ONECUT1: variants seen among roughly 807,000 people sequenced by gnomAD.
ONECUT1 encodes one cut homeobox 1, also known as hepatocyte nuclear factor 6.
ONECUT1 carries 12 observed loss-of-function variants against 25.6 expected under a neutral mutation model. That is an observed-to-expected ratio of 0.47 (90% CI 0.30 to 0.76). The LOEUF (loss-of-function observed/expected upper bound fraction) is 0.76. Ranked by LOEUF, ONECUT1 falls within the 30% of genes least tolerant of loss-of-function variation. The probability of loss-of-function intolerance (pLI) is 0.07; values close to 1 mark genes in which losing one functional copy is unlikely to be tolerated. For missense variants in ONECUT1, 620 were observed against 651.2 expected, an observed-to-expected ratio of 0.95 and a Z score of 0.52; for synonymous variants, 285 against 270.2, an observed-to-expected ratio of 1.05 and a Z score of -0.54.
At chr15:52,786,658 C>G (rs146772582) in intron 1 of ONECUT1, among the ~76,000 whole-genome samples, 5 of 152,254 alleles carry the variant, frequency 3.3e-5, no homozygotes, top group Non-Finnish European at 7.3e-5. Flanking sequence ...TCCACAGTGC[C>G]GTCCCCTGAG....
Position 52,777,734 on chromosome 15 carries a change from ACAC to A in ONECUT1, c.1105+11043_1105+11045del, listed in dbSNP as rs796688086. On this transcript the variant is annotated intron_variant, in intron 1 of 1. Coordinates refer to ENST00000305901, the MANE Select transcript of ONECUT1 (RefSeq NM_004498.4). ...CACACACACACACACACACACACAC[ACAC>A]AAAAAAACATGTAAAGTTATTTGTT... Among the ~76,000 whole-genome samples, 279 of 126,808 alleles carry A rather than the reference ACAC, an allele frequency of 2.2e-3. 6 individuals are homozygous for A. Among genetic ancestry groups the A allele is most frequent in the Middle Eastern group, 6.9e-3 (2 of 288 alleles). 83.2% of individuals were successfully genotyped at this position (126,808 alleles called of 152,430 possible). A position where few individuals can be genotyped will look rare whatever the true frequency, so the allele number is the denominator to read the frequency against.
chr15:52,789,039 A>G lies in ONECUT1; in HGVS notation c.846T>C (p.Asn282=), dbSNP rs778037090. Reference sequence around the variant, plus strand: ...CTTCCATCTGCCCTGAATTACTTCCATTGCTGACCTGCGCGCCGGTCACCG... The same window carrying G: ...CTTCCATCTGCCCTGAATTACTTCCGTTGCTGACCTGCGCGCCGGTCACCG... ...NPSVTGAQVS[N]GSNSGQMEEI... is the part of the protein sequence containing the mutation. The change falls in exon 1 of 2, where the codon AAT becomes AAC. Residue 282 remains asparagine, a synonymous_variant. Transcript: ENST00000305901. The surrounding 1 kb of genome is among the most constrained non-coding windows in gnomAD (Gnocchi z 4.1). The G allele has an allele frequency of 3.7e-6, 6 of 1,605,002 alleles. No individual in the cohort carries two copies. Among genetic ancestry groups the G allele is most frequent in the Non-Finnish European group, 4.2e-6 (5 of 1,179,930 alleles).
rs568950531 is a variant in ONECUT1, at chr15:52,755,600, C to A, written c.*1955G>T. Among the ~76,000 whole-genome samples the A allele has an allele frequency of 7.3e-4, 111 of 152,284 alleles. No homozygotes were observed. The highest frequency in any genetic ancestry group is 2.6e-3 in the African/African-American group (110 of 41,572). ...CTCTAGTTGCCTGCCTGTTACAGACCTAGACAAGGTGCTGAGATTTGATGC... is the reference window on the plus strand; with the variant it reads ...CTCTAGTTGCCTGCCTGTTACAGACATAGACAAGGTGCTGAGATTTGATGC... On this transcript the variant is annotated 3_prime_UTR_variant, in exon 2 of 2. Coordinates refer to ENST00000305901, the MANE Select transcript of ONECUT1 (RefSeq NM_004498.4).
chr15:52,790,031 C>T lies in ONECUT1; in HGVS notation c.-147G>A. The T allele has an allele frequency of 7.9e-7, 1 of 1,270,080 alleles. No homozygotes were observed. The highest frequency in any genetic ancestry group is 1.6e-5 in the African/African-American group (1 of 62,450). 78.7% of individuals were successfully genotyped at this position (1,270,080 alleles called of 1,614,324 possible). ...TGTGGGGCTCTGTCTCTCTCTCTCT[C>T]TCTCTCCGTGTGTGTGTGTCCGTGT... On this transcript the variant is annotated 5_prime_UTR_variant, in exon 1 of 2. Coordinates refer to ENST00000305901, the MANE Select transcript of ONECUT1 (RefSeq NM_004498.4).
intron 1 of ONECUT1, among the ~76,000 whole-genome samples, chr15:52,785,397 C>A (rs2083867622): frequency 6.6e-6 from 1 of 152,078 alleles, no homozygotes; most frequent in Non-Finnish European, 1.5e-5. Flanking sequence ...GGGCAAACAC[C>A]GGACGGGAAG....
chr15:52,766,281 A>C (rs188299104), intron 1 of ONECUT1, among the ~76,000 whole-genome samples: 100 of 150,026 alleles, frequency 6.7e-4, no homozygotes, highest in African/African-American at 2.4e-3. Context: ...GAGGTTAGGC[A>C]GCTTGCCTGC....
At chr15:52,775,872 G>A (rs1043027970) in intron 1 of ONECUT1, among the ~76,000 whole-genome samples, 1 of 152,142 alleles carries the variant, frequency 6.6e-6, no homozygotes, top group African/African-American at 2.4e-5. Flanking sequence ...CCACCTACAT[G>A]TCTGTGCTTC....
At position 52,784,911 on chromosome 15, in the gene ONECUT1, G is replaced by T. The variant is rs563679104; in HGVS notation, c.1105+3869C>A. 5.7e-3 allele frequency among the ~76,000 whole-genome samples: 861 copies of T among 152,306 alleles called. 3 individuals are homozygous for T. The highest frequency in any genetic ancestry group is 9.5e-3 in the Non-Finnish European group (645 of 68,014). On this transcript the variant is annotated intron_variant, in intron 1 of 1. Coordinates refer to ENST00000305901, the MANE Select transcript of ONECUT1 (RefSeq NM_004498.4). The surrounding 1 kb of genome is among the most constrained non-coding windows in gnomAD (Gnocchi z 5.0). ...GCCCCTCGCCCCGGGCTCAGAGGCG[G>T]ACACGGTCGGTCGCGCCCTGCTGGC...
intron 1 of ONECUT1, among the ~76,000 whole-genome samples, chr15:52,782,852 C>T (rs74362658): frequency 6.6e-6 from 1 of 152,132 alleles, no homozygotes; most frequent in African/African-American, 2.4e-5. Context: ...ATGGACTTTA[C>T]AAAGAGCACA....
At chr15:52,774,981 G>A (rs1338383898) in intron 1 of ONECUT1, among the ~76,000 whole-genome samples, 1 of 152,172 alleles carries the variant, frequency 6.6e-6, no homozygotes, top group Admixed American at 6.5e-5. Flanking sequence ...CCTGAGGTCA[G>A]GAGTTCAAGA....
At position 52,765,474 on chromosome 15, in the gene ONECUT1, A is replaced by G. The variant is rs1242760052; in HGVS notation, c.1106-7627T>C. On this transcript the variant is annotated intron_variant, in intron 1 of 1. Coordinates refer to ENST00000305901, the MANE Select transcript of ONECUT1 (RefSeq NM_004498.4). ...AGCTGTTCATGTGCATTGAGCCCTG[A>G]AGACCCTCTCTTGTCAGCTGAAGCT... 3.3e-5 allele frequency among the ~76,000 whole-genome samples: 5 copies of G among 152,212 alleles called. No homozygotes were observed. In the East Asian group the frequency reaches 9.6e-4, roughly 29 times the overall value.
chr15:52,758,287 T>C (rs935750329), intron 1 of ONECUT1, among the ~76,000 whole-genome samples: 7 of 152,238 alleles, frequency 4.6e-5, no homozygotes, highest in Admixed American at 3.9e-4. Context: ...TGCAACACCT[T>C]GTCAGCAAGA....
Position 52,755,260 on chromosome 15 carries a change from C to T in ONECUT1, c.*2295G>A, listed in dbSNP as rs1007814419. Among the ~76,000 whole-genome samples, 6 of 152,124 alleles carry T rather than the reference C, an allele frequency of 3.9e-5. No individual in the cohort carries two copies. Among genetic ancestry groups the T allele is most frequent in the African/African-American group, 1.4e-4 (6 of 41,416 alleles). ...ATGTAGCTGTATCCCCGGCTCCCTC[C>T]ATCCCTGGAGAGAGAGAAAATGTTA... On this transcript the variant is annotated 3_prime_UTR_variant, in exon 2 of 2. Transcript: ENST00000305901.
chr15:52,765,160 AC>A (rs1228598296), intron 1 of ONECUT1, among the ~76,000 whole-genome samples: 1 of 152,208 alleles, frequency 6.6e-6, no homozygotes, highest in African/African-American at 2.4e-5. Context: ...ACTGGTGGTT[AC>A]TTATGGCTGA....
intron 1 of ONECUT1, among the ~76,000 whole-genome samples, chr15:52,775,452 AACACACACAC>A (rs139797470): frequency 0.05 from 6,993 of 141,016 alleles, 228 homozygotes; most frequent in East Asian, 0.11. Flanking sequence ...TTTAAAGAGG[AACACACACAC>A]ACACACACAC....
At chr15:52,759,380 T>C (rs1566988206) in intron 1 of ONECUT1, among the ~76,000 whole-genome samples, 1 of 152,150 alleles carries the variant, frequency 6.6e-6, no homozygotes, top group East Asian at 1.9e-4. Context: ...GTGCCATTGG[T>C]ACAAATTAGC....
chr15:52,787,630 G>C (rs1014546117), intron 1 of ONECUT1: 2 of 150,612 alleles, frequency 1.3e-5, no homozygotes, highest in African/African-American at 2.4e-5. Flanking sequence ...AGGTGGAGGT[G>C]GGGGGTGGGG....
At chr15:52,766,235 C>CTT (rs76480336) in intron 1 of ONECUT1, among the ~76,000 whole-genome samples, 6 of 143,212 alleles carry the variant, frequency 4.2e-5, no homozygotes, top group Non-Finnish European at 7.6e-5. Context: ...GGTATTCTTC[C>CTT]TTTTTTTTTT....
intron 1 of ONECUT1, among the ~76,000 whole-genome samples, chr15:52,778,111 A>T (rs1235050466): frequency 6.6e-6 from 1 of 152,196 alleles, no homozygotes; most frequent in Admixed American, 6.5e-5. Context: ...ACTGCCTACC[A>T]AACAATATGT....
Sources: gnomAD v4.1 joint callset for allele counts (sites outside exome capture counted in the v4.1 genomes callset) on GRCh38, gnomAD v4.1.1 for gene constraint, Gnocchi (gnomAD v3.1) non-coding constraint, MANE v1.5 for transcripts, NCBI Gene and HGNC (gene_info 2026-07-23, HGNC 2026-07-21) for gene names.